Variants in CEP131 observed in about 807,000 individuals in gnomAD.
CEP131 encodes centrosomal protein 131, also known as centrosomal protein of 131 kDa.
Under a neutral mutation model 136.8 loss-of-function variants are expected in CEP131, and 99 were observed. The observed-to-expected ratio is 0.72, with a 90% CI of 0.62 to 0.86. The LOEUF is 0.86. Ranked by LOEUF, CEP131 falls within the 40% of genes least tolerant of loss-of-function variation. CEP131 has a pLI of 0.00. For synonymous variants in CEP131, 646 were observed against 612.7 expected, an observed-to-expected ratio of 1.05 and a Z score of -0.80; for missense variants, 1,459 against 1,463.0, an observed-to-expected ratio of 1.00 and a Z score of 0.04.
rs2062221074 is a variant in CEP131, at chr17:81,215,249, C to G, written c.177+4631G>C. On this transcript the variant is annotated intron_variant, in intron 2 of 25. Coordinates refer to ENST00000450824, the MANE Select transcript of CEP131 (RefSeq NM_014984.4). The surrounding 1 kb of genome is among the most constrained non-coding windows in gnomAD (Gnocchi z 4.1). The stretch of plus-strand genomic sequence containing the variant: ...AGCTGGGACTACAGGCATGCACCAC[C>G]ACACTCGGCTAATTTTTTAATTTTT... 6.6e-6 allele frequency among the ~76,000 whole-genome samples: 1 copy of G among 151,884 alleles called. No homozygotes were observed. The highest frequency in any genetic ancestry group is 2.4e-5 in the African/African-American group (1 of 41,322).
At chr17:81,210,972 T>A (rs1232903280) in intron 2 of CEP131, among the ~76,000 whole-genome samples, 1 of 151,858 alleles carries the variant, frequency 6.6e-6, no homozygotes, top group Non-Finnish European at 1.5e-5. Context: ...GGAGCCCAGC[T>A]CGGCGGCAGC....
At position 81,192,365 on chromosome 17, in the gene CEP131, G is replaced by A. The variant is rs750298089; in HGVS notation, c.2575C>T (p.Leu859=). 9 of 1,595,514 alleles carry A rather than the reference G, an allele frequency of 5.6e-6. 1 individual carries two copies. The South Asian group carries it at 1.0e-4, about 18-fold the overall frequency. ...TCCCACGCCTGCCTCTCCAGCTCCAGCTGCTGCTTCAGGGTATTCAGCTCC... is the reference window on the plus strand; with the variant it reads ...TCCCACGCCTGCCTCTCCAGCTCCAACTGCTGCTTCAGGGTATTCAGCTCC... ...QMELNTLKQQ[L]ELERQAWEAG... Residue 859 remains leucine (L), a synonymous_variant, in exon 21 of 26, where the codon CTG becomes TTG. Coordinates refer to ENST00000450824, the MANE Select transcript of CEP131 (RefSeq NM_014984.4).
Position 81,203,624 on chromosome 17 carries a change from G to C in CEP131, c.516-17C>G. 6.4e-7 allele frequency: 1 copy of C among 1,568,740 alleles called. No individual in the cohort carries two copies. Among genetic ancestry groups the C allele is most frequent in the Non-Finnish European group, 8.7e-7 (1 of 1,155,882 alleles). The stretch of plus-strand genomic sequence containing the variant: ...TTGTTGCTCCTGCCAGGCCGGAAGA[G>C]AGACAGGAATGGTCAGGCCTCTGGA... On this transcript the variant is annotated splice_polypyrimidine_tract_variant and intron_variant, in intron 5 of 25. Transcript: ENST00000450824. This position sits in a 1 kb window ranked among gnomAD's most constrained non-coding sequence, Gnocchi z 4.6.
rs541566663 is a variant in CEP131, at chr17:81,191,277, T to C, written c.2681A>G (p.Asp894Gly). The part of the protein sequence containing the change: ...ELREEIRKGR[D>G]KEIELVIHRL... ...GTGAATGACCAGCTCAATCTCCTTG[T>C]CCCGGCCTTTCCGGATTTCTTCCCT... The change falls in exon 22 of 26, where the codon GAC (aspartate) becomes GGC (glycine). Residue 894 changes from aspartate to glycine, a missense_variant. Physicochemically the swap from Asp to Gly is moderately conservative, Grantham distance 94. This residue lies in a region of CEP131 where 1,026 missense variants were observed against 964.2 expected (regional missense o/e 1.06). Coordinates refer to ENST00000450824, the MANE Select transcript of CEP131 (RefSeq NM_014984.4). 1.9e-6 allele frequency: 3 copies of C among 1,613,514 alleles called. No individual in the cohort carries two copies. In the Admixed American group the frequency reaches 5.0e-5, roughly 27 times the overall value.
rs1268979247 is a variant in CEP131, at chr17:81,200,456, G to A, written c.789-10C>T. 6 of 1,541,778 alleles carry A rather than the reference G, an allele frequency of 3.9e-6. No homozygotes were observed. The highest frequency in any genetic ancestry group is 5.3e-6 in the Non-Finnish European group (6 of 1,140,596). On this transcript the variant is annotated splice_polypyrimidine_tract_variant and intron_variant, in intron 7 of 25. Coordinates refer to ENST00000450824, the MANE Select transcript of CEP131 (RefSeq NM_014984.4). ...CACCTGGTGGATAAACCTGCCCGGA[G>A]AGCAGGACTCAGGGCCAAGACAGGA...
chr17:81,216,690 G>T (rs146446637), intron 2 of CEP131, among the ~76,000 whole-genome samples: 140 of 152,340 alleles, frequency 9.2e-4, no homozygotes, highest in African/African-American at 3.3e-3. Flanking sequence ...CGCAAGGTCG[G>T]GCAGGACAGG....
chr17:81,214,473 T>C (rs1289686077), intron 2 of CEP131, among the ~76,000 whole-genome samples: 1 of 151,996 alleles, frequency 6.6e-6, no homozygotes, highest in African/African-American at 2.4e-5. Context: ...GGAGAATCAC[T>C]TGAACCCAGG....
Position 81,199,739 on chromosome 17 carries a change from C to T in CEP131, c.1003G>A (p.Ala335Thr), listed in dbSNP as rs2061848006. 3 of 1,610,110 alleles carry T rather than the reference C, an allele frequency of 1.9e-6. No individual in the cohort carries two copies. Among genetic ancestry groups the T allele is most frequent in the East Asian group, 2.2e-5 (1 of 44,882 alleles). ...RKAREEKARQARRAAIQELQQ... is the reference protein window; with the variant it reads ...RKAREEKARQTRRAAIQELQQ... Reference sequence around the variant, plus strand: ...AGCACCTGAATGGCTGCTCGCCTGGCTTGGCGTGCCTTCTCCTCCCGGGCC... The same window carrying T: ...AGCACCTGAATGGCTGCTCGCCTGGTTTGGCGTGCCTTCTCCTCCCGGGCC... Residue 335 changes from alanine to threonine, a missense_variant, in exon 9 of 26, where the codon GCC (alanine) becomes ACC (threonine). Physicochemically the swap from Ala to Thr is moderately conservative, Grantham distance 58. Around this residue, in one of 3 missense-constraint regions of CEP131, gnomAD observed 246 missense variants for 318.9 expected, o/e 0.77. Transcript: ENST00000450824.
At chr17:81,212,805 A>G (rs1269622250) in intron 2 of CEP131, among the ~76,000 whole-genome samples, 1 of 152,186 alleles carries the variant, frequency 6.6e-6, no homozygotes, top group Non-Finnish European at 1.5e-5. Context: ...CGGCAGAGAC[A>G]TCAGTAGGAC....
intron 21 of CEP131, among the ~76,000 whole-genome samples, chr17:81,192,026 C>T (rs970113328): frequency 6.6e-6 from 1 of 152,018 alleles, no homozygotes; most frequent in Non-Finnish European, 1.5e-5. Context: ...GTGGGCTGGT[C>T]GTGGGGCGCA....
At chr17:81,190,246 A>G (rs2061608679) in intron 24 of CEP131, among the ~76,000 whole-genome samples, 1 of 152,174 alleles carries the variant, frequency 6.6e-6, no homozygotes, top group African/African-American at 2.4e-5. Context: ...CCCACCTCTC[A>G]GCCTGTGGCA....
intron 21 of CEP131, 95 bp downstream of exon 21, chr17:81,192,223 C>T: frequency 8.2e-7 from 1 of 1,225,758 alleles, no homozygotes; most frequent in African/African-American, 1.5e-5. Flanking sequence ...CCCAGGATGC[C>T]ACAGCAGCAG....
At chr17:81,194,723 GAC>G in intron 17 of CEP131, 145 bp downstream of exon 17, 2 of 755,198 alleles carry the variant, frequency 2.6e-6, no homozygotes, top group Admixed American at 4.0e-5. Flanking sequence ...CGGAGGCCGT[GAC>G]GGGGGTGGTT....
intron 18 of CEP131, among the ~76,000 whole-genome samples, chr17:81,193,610 T>C (rs77909435): frequency 0.086 from 13,045 of 152,236 alleles, 731 homozygotes; most frequent in African/African-American, 0.16. Context: ...ATCCACGGGT[T>C]GCTGCTCTGG....
rs141346984 is a variant in CEP131 at position 81,202,315 on chromosome 17, T to C, written c.713A>G (p.His238Arg). 1,278 of 1,613,370 alleles carry C rather than the reference T, an allele frequency of 7.9e-4. 20 individuals carry two copies. Among genetic ancestry groups the C allele is most frequent in the South Asian group, 4.8e-4 (44 of 91,072 alleles). ...GCCCCCAGTATTGTTCCGGGCTGAG[T>C]GGGTGGCACTGGAGACATTCTTCGG... ...KLPKNVSSAT[H>R]SARNNTGGST... The change falls in exon 7 of 26, where the codon CAC becomes CGC. Residue 238 changes from histidine (H) to arginine (R), a missense_variant. His to Arg is a conservative substitution (Grantham distance 29, BLOSUM62 0). Transcript: ENST00000450824.
At chr17:81,207,286 G>C in intron 3 of CEP131, 47 bp from the exon 4 acceptor site, 1 of 1,568,970 alleles carries the variant, frequency 6.4e-7, no homozygotes. Context: ...CACCAGCCGG[G>C]AAGCCGACGC....
chr17:81,217,747 C>A (rs761551173), intron 2 of CEP131, among the ~76,000 whole-genome samples: 1 of 152,132 alleles, frequency 6.6e-6, no homozygotes, highest in Non-Finnish European at 1.5e-5. Flanking sequence ...GCAGTCGCCA[C>A]TCAACACTGC....
chr17:81,192,394 TG>T lies in CEP131; in HGVS notation c.2548-3del. The T allele has an allele frequency of 6.2e-7, 1 of 1,609,030 alleles. No homozygotes were observed. The highest frequency in any genetic ancestry group is 1.7e-5 in the Admixed American group (1 of 59,652). ...CTGCTTCAGGGTATTCAGCTCCATC[TG>T]GGGGGCGGACATAAGAGGCCAGTCA... On this transcript the variant is annotated splice_region_variant and splice_polypyrimidine_tract_variant and intron_variant, in intron 20 of 25. Coordinates refer to ENST00000450824, the MANE Select transcript of CEP131 (RefSeq NM_014984.4).
rs1010380130 is a variant in CEP131 at position 81,202,629 on chromosome 17, G to A, written c.630-231C>T. On this transcript the variant is annotated intron_variant, in intron 6 of 25. Transcript: ENST00000450824. ...ACAAGGTCCCACTCACTGGTACCCAGGATAATGAGCTCTTTGCATTTAAAA... is the reference window on the plus strand; with the variant it reads ...ACAAGGTCCCACTCACTGGTACCCAAGATAATGAGCTCTTTGCATTTAAAA... Among the ~76,000 whole-genome samples the A allele has an allele frequency of 2.6e-5, 4 of 152,200 alleles. No homozygotes were observed. The East Asian group carries it at 7.7e-4, about 29-fold the overall frequency.
Sources: allele counts gnomAD v4.1 joint callset (sites outside exome capture counted in the v4.1 genomes callset), GRCh38; gene constraint gnomAD v4.1.1; regional missense constraint gnomAD v4.1.1; non-coding constraint Gnocchi (gnomAD v3.1); transcripts MANE v1.5; gene names NCBI Gene and HGNC (gene_info 2026-07-23, HGNC 2026-07-21).